Variants in HAUS7 observed in about 807,000 individuals in gnomAD.
The protein encoded by HAUS7 is HAUS augmin like complex subunit 7.
In HAUS7, 3 loss-of-function variants were observed where a neutral mutation model predicts 28.4. The observed-to-expected ratio is 0.11, with a 90% CI of 0.05 to 0.27. The LOEUF (loss-of-function observed/expected upper bound fraction) is 0.27. Among genes scored for constraint, HAUS7 ranks in the 10% least tolerant of loss-of-function variants. The pLI is 1.00. For synonymous variants in HAUS7, 165 were observed against 132.1 expected, an observed-to-expected ratio of 1.25 and a Z score of -1.71; for missense variants, 284 against 297.3, an observed-to-expected ratio of 0.96 and a Z score of 0.33.
intron 1 of HAUS7, among the ~76,000 whole-genome samples, chrX:153,487,312 A>G (rs904027689): frequency 8.9e-6 from 1 of 111,812 alleles, no homozygotes; most frequent in Admixed American, 9.4e-5. Context: ...CTGGGCCTGG[A>G]CCCAAAGAGG....
At chrX:153,488,903 C>A (rs782287661) in intron 1 of HAUS7, among the ~76,000 whole-genome samples, 160 of 113,063 alleles carry the variant, frequency 1.4e-3, no homozygotes, top group African/African-American at 4.9e-3. Flanking sequence ...CCAGGCAGGC[C>A]ACCCACAGGT....
chrX:153,485,043 G>A (rs1367433105), intron 1 of HAUS7, among the ~76,000 whole-genome samples: 2 of 112,743 alleles, frequency 1.8e-5, no homozygotes, highest in Non-Finnish European at 3.8e-5. Context: ...CACCTGCATG[G>A]CCACAGGGAC....
At chrX:153,490,605 C>A (rs1556989432) in intron 1 of HAUS7, among the ~76,000 whole-genome samples, 1 of 113,002 alleles carries the variant, frequency 8.8e-6, no homozygotes, top group African/African-American at 3.2e-5. Flanking sequence ...TGGGGTTGCC[C>A]ACTGGTGTCT....
intron 1 of HAUS7, chrX:153,486,872 G>A (rs1210197079): frequency 5.4e-6 from 5 of 923,292 alleles, no homozygotes; most frequent in Non-Finnish European, 7.1e-6. Context: ...GGGGCAGGCT[G>A]AGGTGTGCTT....
At chrX:153,454,000 G>A (rs1462228534) in intron 9 of HAUS7, among the ~76,000 whole-genome samples, 1 of 110,412 alleles carries the variant, frequency 9.1e-6, no homozygotes, top group East Asian at 2.8e-4. Context: ...CTGTATTTTA[G>A]TAGAAACGTG....
chrX:153,483,789 C>T (rs1556987875), intron 1 of HAUS7, among the ~76,000 whole-genome samples: 2 of 112,137 alleles, frequency 1.8e-5, no homozygotes, highest in African/African-American at 6.5e-5. Flanking sequence ...CCTGCCCTGC[C>T]GGCCCCCAGG....
intron 1 of HAUS7, among the ~76,000 whole-genome samples, chrX:153,484,016 T>G (rs1480526312): frequency 3.6e-5 from 4 of 111,971 alleles, no homozygotes; most frequent in African/African-American, 1.3e-4. Flanking sequence ...AAATAACCTC[T>G]CTCAGTTGCA....
At chrX:153,452,208 C>A (rs1556981183) in intron 9 of HAUS7, among the ~76,000 whole-genome samples, 3 of 112,022 alleles carry the variant, frequency 2.7e-5, no homozygotes, top group Non-Finnish European at 5.6e-5. Context: ...TGAAGACATT[C>A]CCACATAAAA....
intron 1 of HAUS7, among the ~76,000 whole-genome samples, chrX:153,490,462 T>G (rs782056939): frequency 1.3e-4 from 15 of 112,614 alleles, no homozygotes; most frequent in Admixed American, 1.1e-3. Context: ...CAGCACCAGC[T>G]CAGCTGCCCC....
chrX:153,463,526 C>T (rs961646482), intron 3 of HAUS7, among the ~76,000 whole-genome samples: 1 of 112,125 alleles, frequency 8.9e-6, no homozygotes, highest in Admixed American at 9.4e-5. Flanking sequence ...AGCCCCACAC[C>T]GCTCTCCCTG....
chrX:153,475,313 C>A (rs1056023234), upstream of HAUS7, among the ~76,000 whole-genome samples: 2 of 111,687 alleles, frequency 1.8e-5, no homozygotes, highest in African/African-American at 6.5e-5. Flanking sequence ...TCCACTGGCA[C>A]CCTCCACCCC....
intron 9 of HAUS7, among the ~76,000 whole-genome samples, chrX:153,452,096 C>T (rs7067178): frequency 2.0e-4 from 22 of 112,424 alleles, no homozygotes; most frequent in African/African-American, 5.5e-4. Flanking sequence ...CAGCTGGCTT[C>T]GCATCAGAAG....
intron 8 of HAUS7, 50 bp downstream of exon 8, chrX:153,455,492 G>A: frequency 1.2e-6 from 1 of 832,267 alleles, no homozygotes; most frequent in Non-Finnish European, 1.8e-6. Context: ...CTCTCAGTCT[G>A]AGTGAACAGG....
intron 1 of HAUS7, chrX:153,482,850 G>A (rs56993978): frequency 0.022 from 12,180 of 548,287 alleles, 580 homozygotes; most frequent in African/African-American, 0.18. Flanking sequence ...GCCATCCCAC[G>A]CGGCCTGCCG....
chrX:153,473,678 TGAGG>T (rs1556985741), upstream of HAUS7, among the ~76,000 whole-genome samples: 1 of 112,788 alleles, frequency 8.9e-6, no homozygotes, highest in African/African-American at 3.2e-5. Flanking sequence ...GCATTGGGTT[TGAGG>T]GAGAAATGTG....
At chrX:153,456,778 C>T (rs1375397265) in intron 5 of HAUS7, 127 bp from the exon 6 acceptor site, 20 of 539,992 alleles carry the variant, frequency 3.7e-5, no homozygotes, top group Middle Eastern at 5.4e-4. Flanking sequence ...CAAGCCCCAC[C>T]GCGCAGAATC....
intron 1 of HAUS7, among the ~76,000 whole-genome samples, chrX:153,480,098 A>G (rs1556986996): frequency 8.9e-6 from 1 of 111,876 alleles, no homozygotes; most frequent in Non-Finnish European, 1.9e-5. Context: ...GCACGTGTGA[A>G]GTCCTTGCTC....
At chrX:153,456,735 G>A (rs2089317594) in intron 5 of HAUS7, 84 bp from the exon 6 acceptor site, 1 of 760,842 alleles carries the variant, frequency 1.3e-6, no homozygotes, top group South Asian at 2.4e-5. Flanking sequence ...GAAGGCCCCA[G>A]AAGCACATCG....
intron 3 of HAUS7, among the ~76,000 whole-genome samples, chrX:153,463,284 G>T (rs1386289868): frequency 8.0e-5 from 9 of 111,901 alleles, no homozygotes; most frequent in Non-Finnish European, 1.5e-4. Context: ...GTTGCAAGAA[G>T]TAAGCAGAGA....
Sources: gnomAD v4.1 joint callset for allele counts (sites outside exome capture counted in the v4.1 genomes callset) on GRCh38, gnomAD v4.1.1 for gene constraint, MANE v1.5 for transcripts, NCBI Gene and HGNC (gene_info 2026-07-23, HGNC 2026-07-21) for gene names.